TMEM108: variants seen among roughly 807,000 people sequenced by gnomAD.
TMEM108 encodes the protein transmembrane protein 108, also known as cancer/testis antigen 124.
In TMEM108, 12 loss-of-function variants were observed where a neutral mutation model predicts 35.1. That is an observed-to-expected ratio of 0.34 (90% CI 0.22 to 0.55). The LOEUF (loss-of-function observed/expected upper bound fraction) is 0.55, where lower values mean the gene tolerates loss of function less well. TMEM108 is among the 20% of genes least tolerant of loss of function. TMEM108 has a pLI of 0.89. For synonymous variants in TMEM108, 287 were observed against 308.6 expected (o/e 0.93, Z 0.73); for missense variants, 680 against 753.3 (o/e 0.90, Z 1.14).
At chr3:133,263,059 A>G (rs996784375) in intron 3 of TMEM108, among the ~76,000 whole-genome samples, 7 of 152,212 alleles carry the variant, frequency 4.6e-5, no homozygotes, top group Non-Finnish European at 8.8e-5. Flanking sequence ...TTGTAAACCA[A>G]TTGCTATGTT....
intron 3 of TMEM108, among the ~76,000 whole-genome samples, chr3:133,332,931 T>G (rs2071415253): frequency 6.6e-6 from 1 of 152,218 alleles, no homozygotes; most frequent in Non-Finnish European, 1.5e-5. Context: ...TGTCAAAGAA[T>G]TAGACCATCT....
intron 3 of TMEM108, among the ~76,000 whole-genome samples, chr3:133,288,308 AAGC>A (rs1947013308): frequency 6.6e-6 from 1 of 152,242 alleles, no homozygotes; most frequent in Non-Finnish European, 1.5e-5. Flanking sequence ...ACTGCATCCA[AAGC>A]AGCAGGAGTT....
At chr3:133,353,405 A>C (rs1213901590) in intron 3 of TMEM108, among the ~76,000 whole-genome samples, 1 of 152,174 alleles carries the variant, frequency 6.6e-6, no homozygotes, top group Non-Finnish European at 1.5e-5. Flanking sequence ...GGTCTTCCAA[A>C]ATGGAGATTT....
At chr3:133,189,203 A>T (rs767027665) in intron 2 of TMEM108, among the ~76,000 whole-genome samples, 1 of 152,206 alleles carries the variant, frequency 6.6e-6, no homozygotes, top group Non-Finnish European at 1.5e-5. Flanking sequence ...TGATGTCACC[A>T]AGGCATTTAA....
chr3:133,067,497 C>T (rs571574374), intron 2 of TMEM108, among the ~76,000 whole-genome samples: 1 of 152,324 alleles, frequency 6.6e-6, no homozygotes, highest in South Asian at 2.1e-4. Context: ...ATCTCACCTG[C>T]TTTAGCTCTC....
At chr3:133,126,233 A>G (rs1163967241) in intron 2 of TMEM108, among the ~76,000 whole-genome samples, 1 of 152,052 alleles carries the variant, frequency 6.6e-6, no homozygotes, top group Non-Finnish European at 1.5e-5. Context: ...TTGGGAGGCT[A>G]AAGTGGGTGG....
intron 2 of TMEM108, among the ~76,000 whole-genome samples, chr3:133,175,817 A>G (rs1451695320): frequency 2.0e-5 from 3 of 152,390 alleles, no homozygotes; most frequent in African/African-American, 7.2e-5. Flanking sequence ...ATTCACACAT[A>G]ACAAAATTAA....
In TMEM108 at chr3:133,167,470, G is replaced by A. The variant is rs539240976; in HGVS notation, c.-46-61796G>A. Among the ~76,000 whole-genome samples the A allele has an allele frequency of 3.6e-3, 547 of 152,366 alleles. 4 individuals carry two copies. The highest frequency in any genetic ancestry group is 0.013 in the African/African-American group (521 of 41,586). The stretch of plus-strand genomic sequence containing the variant: ...GGGGTGGTGCCCGTCAGGGAAGCTC[G>A]GGCCGTGCAGGAGCCCACCGTGGGG... On this transcript the variant is annotated intron_variant, in intron 2 of 5. Coordinates refer to ENST00000321871, the MANE Select transcript of TMEM108 (RefSeq NM_023943.4).
chr3:133,250,401 C>T (rs1489474437), intron 3 of TMEM108, among the ~76,000 whole-genome samples: 3 of 152,094 alleles, frequency 2.0e-5, no homozygotes, highest in African/African-American at 7.2e-5. Context: ...TAACATTTTC[C>T]TTTCTCTAGC....
At chr3:133,088,741 A>G (rs1943912805) in intron 2 of TMEM108, among the ~76,000 whole-genome samples, 1 of 152,198 alleles carries the variant, frequency 6.6e-6, no homozygotes, top group African/African-American at 2.4e-5. Flanking sequence ...GATTGACTCC[A>G]AGAGCTGTGG....
chr3:133,241,282 T>C (rs931575583), intron 3 of TMEM108, among the ~76,000 whole-genome samples: 1 of 152,252 alleles, frequency 6.6e-6, no homozygotes, highest in African/African-American at 2.4e-5. Context: ...AAACCTAAGA[T>C]ACATTGCCTT....
chr3:133,178,761 T>C (rs1325171304), intron 2 of TMEM108, among the ~76,000 whole-genome samples: 2 of 152,324 alleles, frequency 1.3e-5, no homozygotes, highest in East Asian at 3.9e-4. Flanking sequence ...AAGGACTTCA[T>C]GTCTAAAACA....
chr3:133,363,255 C>T lies in TMEM108; in HGVS notation c.41-16497C>T, dbSNP rs544594205. Among the ~76,000 whole-genome samples, 33 of 152,222 alleles carry T rather than the reference C, an allele frequency of 2.2e-4. No individual in the cohort carries two copies. In the South Asian group the frequency reaches 6.2e-3, roughly 29 times the overall value. On this transcript the variant is annotated intron_variant, in intron 3 of 5. Transcript: ENST00000321871. ...TGGACACATAGCTTGCTGAGCCTTT[C>T]CCCAGTGTTTCTAATTCAGTCCATC...
At chr3:133,184,576 C>G (rs1945393765) in intron 2 of TMEM108, among the ~76,000 whole-genome samples, 3 of 152,120 alleles carry the variant, frequency 2.0e-5, no homozygotes, top group Admixed American at 1.3e-4. Context: ...GAAAACTTGC[C>G]TTAATTAAGT....
intron 2 of TMEM108, among the ~76,000 whole-genome samples, chr3:133,109,309 T>A (rs757430532): frequency 1.6e-4 from 25 of 152,160 alleles, no homozygotes; most frequent in Admixed American, 3.9e-4. Flanking sequence ...TAACTTGTGA[T>A]TCCTTTTATG....
At chr3:133,086,224 A>G (rs1431840457) in intron 2 of TMEM108, among the ~76,000 whole-genome samples, 2 of 151,954 alleles carry the variant, frequency 1.3e-5, no homozygotes, top group African/African-American at 4.8e-5. Context: ...CATTGAAATC[A>G]GCTTATTCGT....
intron 3 of TMEM108, among the ~76,000 whole-genome samples, chr3:133,244,312 C>A (rs1306087852): frequency 1.3e-5 from 2 of 152,228 alleles, no homozygotes; most frequent in African/African-American, 4.8e-5. Flanking sequence ...AGTAAAACCT[C>A]ATCTCGCTTC....
chr3:133,228,220 G>C (rs1201192479), intron 2 of TMEM108, among the ~76,000 whole-genome samples: 1 of 151,288 alleles, frequency 6.6e-6, no homozygotes, highest in Non-Finnish European at 1.5e-5. Flanking sequence ...TAGATAGATA[G>C]TTCTACTTGG....
chr3:133,208,173 C>T (rs1436455646), intron 2 of TMEM108, among the ~76,000 whole-genome samples: 2 of 152,134 alleles, frequency 1.3e-5, no homozygotes, highest in African/African-American at 4.8e-5. Context: ...TTACTGGGCC[C>T]CACCCTTAGA....
Sources: gnomAD v4.1 joint callset for allele counts (sites outside exome capture counted in the v4.1 genomes callset) on GRCh38, gnomAD v4.1.1 for gene constraint, MANE v1.5 for transcripts, NCBI Gene and HGNC (gene_info 2026-07-23, HGNC 2026-07-21) for gene names.